The following ROR1 variants were observed in gnomAD, a reference collection of about 807,000 sequenced individuals.
The protein encoded by ROR1 is inactive tyrosine-protein kinase transmembrane receptor ROR1.
A neutral mutation model predicts 78.8 loss-of-function variants in ROR1; 19 were observed. The ratio of observed to expected loss-of-function variants is 0.24; its 90% confidence interval spans 0.17 to 0.35. The LOEUF is 0.35. ROR1 is among the 10% of genes least tolerant of loss of function. The probability of loss-of-function intolerance (pLI) is 1.00; values close to 1 mark genes in which losing one functional copy is unlikely to be tolerated. For missense variants in ROR1, 917 were observed against 1,177.8 expected (o/e 0.78, Z 3.24); for synonymous variants, 386 against 433.6 (o/e 0.89, Z 1.36).
chr1:63,796,465 A>G (rs767177499), intron 1 of ROR1, among the ~76,000 whole-genome samples: 12 of 152,242 alleles, frequency 7.9e-5, no homozygotes, highest in Non-Finnish European at 1.3e-4. Flanking sequence ...TATGCAAATT[A>G]AAGAACCATG....
chr1:64,122,722 G>A (rs890064892), intron 4 of ROR1, among the ~76,000 whole-genome samples: 21 of 152,154 alleles, frequency 1.4e-4, no homozygotes, highest in Admixed American at 3.9e-4. Flanking sequence ...GCATTTGAAC[G>A]ATGTTCTCAT....
chr1:63,960,194 A>T (rs1393753113), intron 1 of ROR1, among the ~76,000 whole-genome samples: 1 of 152,256 alleles, frequency 6.6e-6, no homozygotes, highest in Non-Finnish European at 1.5e-5. Context: ...TGAATGAAAG[A>T]GAATGAATGA....
intron 2 of ROR1, chr1:64,028,830 T>C (rs1307828666): frequency 3.3e-5 from 5 of 152,224 alleles, no homozygotes; most frequent in Non-Finnish European, 7.3e-5. Flanking sequence ...AAATGTACAG[T>C]TAAATTATTA....
intron 1 of ROR1, among the ~76,000 whole-genome samples, chr1:63,883,135 TA>T (rs962106572): frequency 1.1e-4 from 17 of 152,300 alleles, no homozygotes; most frequent in African/African-American, 4.1e-4. Context: ...GAGAATGGGT[TA>T]ACACTTGTTG....
chr1:63,985,790 G>A (rs1169114779), intron 1 of ROR1, among the ~76,000 whole-genome samples: 2 of 151,722 alleles, frequency 1.3e-5, no homozygotes, highest in African/African-American at 4.8e-5. Context: ...TATAATGTGT[G>A]TATAAAAAAT....
At chr1:63,990,010 C>T (rs1646282437) in intron 1 of ROR1, among the ~76,000 whole-genome samples, 5 of 152,144 alleles carry the variant, frequency 3.3e-5, no homozygotes, top group Admixed American at 3.3e-4. Flanking sequence ...CAAATTTTCT[C>T]CATTTTGTTT....
chr1:64,026,321 G>A (rs1325924889), intron 2 of ROR1, among the ~76,000 whole-genome samples: 1 of 152,026 alleles, frequency 6.6e-6, no homozygotes, highest in Non-Finnish European at 1.5e-5. Flanking sequence ...ATGAAATGGG[G>A]GTTCAAAAAT....
chr1:64,158,785 A>G (rs1016040021), intron 7 of ROR1, among the ~76,000 whole-genome samples, 196 bp from the exon 8 acceptor site: 52 of 152,338 alleles, frequency 3.4e-4, no homozygotes, highest in South Asian at 2.3e-3. Flanking sequence ...TGAACTTTAA[A>G]CTTTTAAACT....
rs2100706853 is a variant in ROR1 at position 64,137,562 on chromosome 1, T to C, written c.610+66T>C. 12 of 1,498,022 alleles carry C rather than the reference T, an allele frequency of 8.0e-6. No homozygotes were observed. The South Asian group carries it at 1.4e-4, about 17-fold the overall frequency. 92.8% of individuals were successfully genotyped at this position (1,498,022 alleles called of 1,614,324 possible). ...CTATTTTTCTCGCCAAAAGTTTTATTGAGCTCCTCTCTTGACAAAGGATTA... is the reference window on the plus strand; with the variant it reads ...CTATTTTTCTCGCCAAAAGTTTTATCGAGCTCCTCTCTTGACAAAGGATTA... On this transcript the variant is annotated intron_variant, in intron 5 of 8. Transcript: ENST00000371079.
At chr1:63,819,291 A>G (rs145451659) in intron 1 of ROR1, among the ~76,000 whole-genome samples, 7 of 152,298 alleles carry the variant, frequency 4.6e-5, no homozygotes, top group East Asian at 3.9e-4. Flanking sequence ...TTAGACCTAT[A>G]CAAGTGACAT....
intron 1 of ROR1, among the ~76,000 whole-genome samples, chr1:63,880,265 G>A (rs1428271783): frequency 2.0e-5 from 3 of 152,178 alleles, no homozygotes; most frequent in African/African-American, 7.2e-5. Flanking sequence ...GAATGCCAAG[G>A]AATTAATAAG....
intron 2 of ROR1, among the ~76,000 whole-genome samples, chr1:64,015,355 T>TG (rs1646511995): frequency 6.6e-6 from 1 of 152,188 alleles, no homozygotes. Flanking sequence ...GCCCATGTTG[T>TG]GATAGGATAG....
intron 1 of ROR1, among the ~76,000 whole-genome samples, chr1:63,969,574 C>T (rs1646102309): frequency 6.6e-6 from 1 of 152,280 alleles, no homozygotes; most frequent in Middle Eastern, 3.4e-3. Context: ...CTCTTCCCTG[C>T]AAACTGGCTT....
intron 1 of ROR1, among the ~76,000 whole-genome samples, chr1:63,912,018 G>A (rs1645574146): frequency 6.6e-6 from 1 of 151,902 alleles, no homozygotes; most frequent in Non-Finnish European, 1.5e-5. Context: ...CAGGGACAGT[G>A]GCTGCCACCT....
At chr1:63,985,635 C>T (rs1209565884) in intron 1 of ROR1, among the ~76,000 whole-genome samples, 1 of 151,854 alleles carries the variant, frequency 6.6e-6, no homozygotes, top group Non-Finnish European at 1.5e-5. Flanking sequence ...AATCCCAGCA[C>T]TTTGGGAGGC....
chr1:64,102,473 T>C (rs191883250), intron 4 of ROR1, among the ~76,000 whole-genome samples: 4 of 152,234 alleles, frequency 2.6e-5, no homozygotes, highest in East Asian at 3.9e-4. Context: ...AGAGCTTACA[T>C]TGATGTGTCC....
chr1:64,056,830 T>C (rs1002220706), intron 4 of ROR1, among the ~76,000 whole-genome samples: 5 of 152,232 alleles, frequency 3.3e-5, no homozygotes, highest in African/African-American at 4.8e-5. Flanking sequence ...GGGAAATGTT[T>C]GTTCAAACTT....
rs577876330 is a variant in ROR1 at position 63,863,681 on chromosome 1, C to T, written c.91+89173C>T. On this transcript the variant is annotated intron_variant, in intron 1 of 8. Transcript: ENST00000371079. ...CTTTATTTGTGATAAGTTTCACAGA[C>T]TACATTTTCCAGCATTCAACACTGC... 2.6e-3 allele frequency among the ~76,000 whole-genome samples: 397 copies of T among 152,010 alleles called. 1 individual carries two copies. Among genetic ancestry groups the T allele is most frequent in the Non-Finnish European group, 4.6e-3 (315 of 68,006 alleles).
chr1:63,953,674 A>C (rs1645959271), intron 1 of ROR1, among the ~76,000 whole-genome samples: 1 of 152,188 alleles, frequency 6.6e-6, no homozygotes, highest in South Asian at 2.1e-4. Context: ...ACTGGGTTGC[A>C]GTAGATGGAG....
Sources: allele counts gnomAD v4.1 joint callset (sites outside exome capture counted in the v4.1 genomes callset), GRCh38; gene constraint gnomAD v4.1.1; transcripts MANE v1.5; gene names NCBI Gene and HGNC (gene_info 2026-07-23, HGNC 2026-07-21).